The following MLF2 variants were observed in gnomAD, a reference collection of about 807,000 sequenced individuals.
MLF2 encodes the protein myelodysplasia-myeloid leukemia factor 2.
In MLF2, 12 loss-of-function variants were observed where a neutral mutation model predicts 31.4. The observed-to-expected ratio is 0.38, with a 90% CI of 0.24 to 0.62. The LOEUF (loss-of-function observed/expected upper bound fraction) is 0.62. Ranked by LOEUF, MLF2 falls within the 20% of genes least tolerant of loss-of-function variation. The pLI is 0.58. For missense variants in MLF2, 272 were observed against 359.7 expected (o/e 0.76, Z 1.97); for synonymous variants, 109 against 118.8 (o/e 0.92, Z 0.54).
chr12:6,752,974 G>T lies in MLF2; in HGVS notation c.-64C>A. 1 of 279,098 alleles carries T rather than the reference G, an allele frequency of 3.6e-6. No individual in the cohort carries two copies. Among genetic ancestry groups the T allele is most frequent in the East Asian group, 6.1e-5 (1 of 16,524 alleles). The allele number at this position is 279,098 out of a possible 1,614,324, so 17.3% of individuals were successfully genotyped here. A position where few individuals can be genotyped will look rare whatever the true frequency, so the allele number is the denominator to read the frequency against. On this transcript the variant is annotated 5_prime_UTR_variant, in exon 1 of 9. Coordinates refer to ENST00000203630, the MANE Select transcript of MLF2 (RefSeq NM_001382226.1). The surrounding 1 kb of genome is among the most constrained non-coding windows in gnomAD (Gnocchi z 4.6). ...TTCGGGCTCAGCGGCCCATCCGGCC[G>T]GTTTCGCTTCCCGGTACGCTGCAGG...
Position 6,752,417 on chromosome 12 carries a change from A to G in MLF2, c.-28-55T>C. 7.1e-7 allele frequency: 1 copy of G among 1,414,680 alleles called. No individual in the cohort carries two copies. Among genetic ancestry groups the G allele is most frequent in the Non-Finnish European group, 9.7e-7 (1 of 1,025,952 alleles). 87.6% of individuals were successfully genotyped at this position (1,414,680 alleles called of 1,614,324 possible). On this transcript the variant is annotated intron_variant, in intron 1 of 8. Transcript: ENST00000203630. The surrounding 1 kb of genome is among the most constrained non-coding windows in gnomAD (Gnocchi z 4.6). ...GAGGTGGCCAGGGTTTTGCACACCC[A>G]CTCAGTGTGGGGACTCTCAGAGCAC...
rs1941585079 is a variant in MLF2, at chr12:6,749,827, G to A, written c.559+21C>T. 6.2e-7 allele frequency: 1 copy of A among 1,612,884 alleles called. No homozygotes were observed. The highest frequency in any genetic ancestry group is 8.5e-7 in the Non-Finnish European group (1 of 1,179,428). The stretch of plus-strand genomic sequence containing the variant: ...AACCGGGTTAGGGGCTGCCAGCCAG[G>A]AAGCGGGAGGGAAGGCTCACTCTCA... On this transcript the variant is annotated intron_variant, in intron 7 of 8. Coordinates refer to ENST00000203630, the MANE Select transcript of MLF2 (RefSeq NM_001382226.1). The surrounding 1 kb of genome is among the most constrained non-coding windows in gnomAD (Gnocchi z 5.3).
At position 6,751,653 on chromosome 12, in the gene MLF2, C is replaced by T. The variant is rs1404984902; in HGVS notation, c.204G>A (p.Gly68=). Residue 68 remains glycine, a synonymous_variant, in exon 4 of 9, where the codon GGG becomes GGA. Transcript: ENST00000203630. ...GATAAAGACTCACCATTCCCAGCAT[C>T]CCAAAGGGGGAGACAGCTCCAGCCT... ...MQQAGAVSPF[G]MLGMSGGFMD... The T allele has an allele frequency of 6.2e-7, 1 of 1,613,958 alleles. No homozygotes were observed. Among genetic ancestry groups the T allele is most frequent in the African/African-American group, 1.3e-5 (1 of 74,914 alleles).
Position 6,750,133 on chromosome 12 carries a change from G to A in MLF2, c.399+44C>T, listed in dbSNP as rs55780609. ...AGCAGCCAGGGTTTCTGGCGGTGCC[G>A]CTCAATCCTACCTTCTCTGGGACAG... On this transcript the variant is annotated intron_variant, in intron 6 of 8. Transcript: ENST00000203630. The surrounding 1 kb of genome is among the most constrained non-coding windows in gnomAD (Gnocchi z 5.3). 3.7e-3 allele frequency: 6,034 copies of A among 1,613,592 alleles called. 263 individuals carry two copies. The African/African-American group carries it at 0.073, about 19-fold the overall frequency.
In MLF2 at chr12:6,752,302, C is replaced by T. The variant is rs1337735161; in HGVS notation, c.33G>A (p.Glu11=). 14 of 1,561,966 alleles carry T rather than the reference C, an allele frequency of 9.0e-6. No homozygotes were observed. Among genetic ancestry groups the T allele is most frequent in the Non-Finnish European group, 8.7e-6 (10 of 1,152,176 alleles). Reference sequence around the variant, plus strand: ...ATACTCACATCAGGAACATGGGATCCTCAGGCTCCACGTCCCTCATGAAGC... The same window carrying T: ...ATACTCACATCAGGAACATGGGATCTTCAGGCTCCACGTCCCTCATGAAGC... MFRFMRDVEP[E]DPMFLMDPFA... Residue 11 remains glutamate, a synonymous_variant, in exon 2 of 9, where the codon GAG becomes GAA. Coordinates refer to ENST00000203630, the MANE Select transcript of MLF2 (RefSeq NM_001382226.1). This position sits in a 1 kb window ranked among gnomAD's most constrained non-coding sequence, Gnocchi z 4.6.
In MLF2 at chr12:6,749,297, C is replaced by T. The variant is rs1421375913; in HGVS notation, c.560-315G>A. On this transcript the variant is annotated intron_variant, in intron 7 of 8. Transcript: ENST00000203630. The surrounding 1 kb of genome is among the most constrained non-coding windows in gnomAD (Gnocchi z 5.3). The stretch of plus-strand genomic sequence containing the variant: ...ATAAAGAGGGGAGAAAGAAACGGAT[C>T]AAGGTGGAGAAGGGTGTAACACTAT... Among the ~76,000 whole-genome samples the T allele has an allele frequency of 6.7e-6, 1 of 149,280 alleles. No homozygotes were observed. The highest frequency in any genetic ancestry group is 2.5e-5 in the African/African-American group (1 of 40,508).
rs1219353614 is a variant in MLF2, at chr12:6,750,963, C to T, written c.217-197G>A. ...CCTCCTGTGAACTGCTGACCCCTTC[C>T]TCAGTCTCTGTGACTGCTGTGATCC... is the stretch of plus-strand genomic sequence containing the variant. On this transcript the variant is annotated intron_variant, in intron 4 of 8. Coordinates refer to ENST00000203630, the MANE Select transcript of MLF2 (RefSeq NM_001382226.1). The surrounding 1 kb of genome is among the most constrained non-coding windows in gnomAD (Gnocchi z 5.3). 2 of 582,032 alleles carry T rather than the reference C, an allele frequency of 3.4e-6. No individual in the cohort carries two copies. Among genetic ancestry groups the T allele is most frequent in the African/African-American group, 3.7e-5 (2 of 53,454 alleles). 36.1% of individuals were successfully genotyped at this position (582,032 alleles called of 1,614,324 possible). A position where few individuals can be genotyped will look rare whatever the true frequency, so the allele number is the denominator to read the frequency against.
Position 6,750,508 on chromosome 12 carries a change from T to C in MLF2, c.271-203A>G, listed in dbSNP as rs1941597710. ...AGGACCTGAAGAGACAGGGCCTTAA[T>C]TGTATGCTACGTAAGAGAGCTGCTG... On this transcript the variant is annotated intron_variant, in intron 5 of 8. Transcript: ENST00000203630. This position sits in a 1 kb window ranked among gnomAD's most constrained non-coding sequence, Gnocchi z 5.3. The C allele has an allele frequency of 2.3e-6, 2 of 888,342 alleles. No individual in the cohort carries two copies. Among genetic ancestry groups the C allele is most frequent in the South Asian group, 1.7e-5 (1 of 57,462 alleles). 55.0% of individuals were successfully genotyped at this position (888,342 alleles called of 1,614,324 possible). A position where few individuals can be genotyped will look rare whatever the true frequency, so the allele number is the denominator to read the frequency against.
intron 4 of MLF2, 127 bp downstream of exon 4, chr12:6,751,514 G>T: frequency 1.8e-6 from 2 of 1,132,582 alleles, no homozygotes; most frequent in Non-Finnish European, 1.3e-6. Context: ...AGAGCTTTGT[G>T]AATGCCATAA....
chr12:6,751,279 G>A (rs891968978), intron 4 of MLF2: 6 of 265,186 alleles, frequency 2.3e-5, no homozygotes, highest in South Asian at 1.0e-4. Context: ...GGGCAGTGGC[G>A]CAGTCTCGGC....
At position 6,750,880 on chromosome 12, in the gene MLF2, C is replaced by A. The variant is rs868012180; in HGVS notation, c.217-114G>T. 2.0e-5 allele frequency: 17 copies of A among 863,190 alleles called. No homozygotes were observed. The highest frequency in any genetic ancestry group is 2.2e-4 in the Middle Eastern group (1 of 4,582). 53.5% of individuals were successfully genotyped at this position (863,190 alleles called of 1,614,324 possible). ...GCACATTTCCTTTCTCTTCTTCCTTCACATCTAGCAAGTTCTCTTTCTCAT... is the reference window on the plus strand; with the variant it reads ...GCACATTTCCTTTCTCTTCTTCCTTAACATCTAGCAAGTTCTCTTTCTCAT... On this transcript the variant is annotated intron_variant, in intron 4 of 8. Transcript: ENST00000203630. This position sits in a 1 kb window ranked among gnomAD's most constrained non-coding sequence, Gnocchi z 5.3.
chr12:6,748,271 AATGCATGGCAGGAGTAGG>A lies in MLF2; in HGVS notation c.*284_*301del, dbSNP rs1941555646. 6.5e-6 allele frequency: 1 copy of A among 152,800 alleles called. No individual in the cohort carries two copies. The highest frequency in any genetic ancestry group is 1.5e-5 in the Non-Finnish European group (1 of 68,182). The allele number at this position is 152,800 out of a possible 1,614,324, so 9.5% of individuals were successfully genotyped here. ...TCACCCCAAAATGCATTGACCCTTC[AATGCATGGCAGGAGTAGG>A]ATGGGAAAGGTGAGGGGGTTTGAAG... On this transcript the variant is annotated 3_prime_UTR_variant, in exon 9 of 9. Transcript: ENST00000203630. This position sits in a 1 kb window ranked among gnomAD's most constrained non-coding sequence, Gnocchi z 4.6.
At position 6,749,231 on chromosome 12, in the gene MLF2, A is replaced by G. The variant is rs1941572915; in HGVS notation, c.560-249T>C. Among the ~76,000 whole-genome samples, 1 of 152,196 alleles carries G rather than the reference A, an allele frequency of 6.6e-6. No homozygotes were observed. Among genetic ancestry groups the G allele is most frequent in the Non-Finnish European group, 1.5e-5 (1 of 68,018 alleles). On this transcript the variant is annotated intron_variant, in intron 7 of 8. Coordinates refer to ENST00000203630, the MANE Select transcript of MLF2 (RefSeq NM_001382226.1). This position sits in a 1 kb window ranked among gnomAD's most constrained non-coding sequence, Gnocchi z 5.3. ...TTCTTCAGTTCAGGTTCACAGTCCT[A>G]TGTGCACACTAGGTACTTAATAATT...
At position 6,750,083 on chromosome 12, in the gene MLF2, C is replaced by G; in HGVS notation, c.400-76G>C. On this transcript the variant is annotated intron_variant, in intron 6 of 8. Transcript: ENST00000203630. This position sits in a 1 kb window ranked among gnomAD's most constrained non-coding sequence, Gnocchi z 5.3. ...CCTATACCATCTCAGGATAAACACACCACACACAACCCAATCCGGAAAAAA... is the reference window on the plus strand; with the variant it reads ...CCTATACCATCTCAGGATAAACACAGCACACACAACCCAATCCGGAAAAAA... 15 of 1,611,454 alleles carry G rather than the reference C, an allele frequency of 9.3e-6. No homozygotes were observed. The highest frequency in any genetic ancestry group is 1.2e-5 in the Non-Finnish European group (14 of 1,178,138).
In MLF2 at chr12:6,748,998, C is replaced by G; in HGVS notation, c.560-16G>C. The G allele has an allele frequency of 3.2e-6, 5 of 1,564,838 alleles. No individual in the cohort carries two copies. Among genetic ancestry groups the G allele is most frequent in the Non-Finnish European group, 4.3e-6 (5 of 1,160,286 alleles). On this transcript the variant is annotated splice_polypyrimidine_tract_variant and intron_variant, in intron 7 of 8. Transcript: ENST00000203630. This position sits in a 1 kb window ranked among gnomAD's most constrained non-coding sequence, Gnocchi z 4.6. ...GCGGCCTCACCTGGAAAGGACAGAG[C>G]GGACATGAGGCCTGTGTGCGGCCTG...
Position 6,750,057 on chromosome 12 carries a change from G to C in MLF2, c.400-50C>G, listed in dbSNP as rs117967306. On this transcript the variant is annotated intron_variant, in intron 6 of 8. Transcript: ENST00000203630. This position sits in a 1 kb window ranked among gnomAD's most constrained non-coding sequence, Gnocchi z 5.3. ...ACTCAGCCGCCCCTTCCAAAGCCCT[G>C]CCTATACCATCTCAGGATAAACACA... 8,932 of 1,612,238 alleles carry C rather than the reference G, an allele frequency of 5.5e-3. 25 individuals carry two copies. Among genetic ancestry groups the C allele is most frequent in the Middle Eastern group, 0.012 (74 of 6,050 alleles).
Position 6,749,733 on chromosome 12 carries a change from A to AAAAG in MLF2, c.559+114_559+115insCTTT, listed in dbSNP as rs1941582623. On this transcript the variant is annotated intron_variant, in intron 7 of 8. Transcript: ENST00000203630. This position sits in a 1 kb window ranked among gnomAD's most constrained non-coding sequence, Gnocchi z 5.3. ...AGCGAGACTCCATCTCAAAAAAAAA[A>AAAAG]AAAAAGGAATATGGGGCTGACCCAG... 1 of 1,397,968 alleles carries AAAAG rather than the reference A, an allele frequency of 7.2e-7. No homozygotes were observed. The highest frequency in any genetic ancestry group is 2.3e-5 in the East Asian group (1 of 43,146). The allele number at this position is 1,397,968 out of a possible 1,614,324, so 86.6% of individuals were successfully genotyped here.
rs1364489638 is a variant in MLF2, at chr12:6,748,646, T to C, written c.*26-99A>G. On this transcript the variant is annotated intron_variant, in intron 8 of 8. Coordinates refer to ENST00000203630, the MANE Select transcript of MLF2 (RefSeq NM_001382226.1). This position sits in a 1 kb window ranked among gnomAD's most constrained non-coding sequence, Gnocchi z 4.6. The stretch of plus-strand genomic sequence containing the variant: ...TTAATCCCCTATGTCAGTGAGAACA[T>C]TGTTCTCTTTCCATGTCAACTTGTA... The C allele has an allele frequency of 2.1e-5, 16 of 747,946 alleles. No individual in the cohort carries two copies. The highest frequency in any genetic ancestry group is 3.0e-5 in the Non-Finnish European group (14 of 474,350). The allele number at this position is 747,946 out of a possible 1,614,324, so 46.3% of individuals were successfully genotyped here. A position where few individuals can be genotyped will look rare whatever the true frequency, so the allele number is the denominator to read the frequency against.
chr12:6,749,076 G>T lies in MLF2; in HGVS notation c.560-94C>A. ...CCACAGCTTTTCGGGCCAAAGCGGC[G>T]AAGGCTGAGTGTGCGTGCAGGGATG... On this transcript the variant is annotated intron_variant, in intron 7 of 8. Transcript: ENST00000203630. This position sits in a 1 kb window ranked among gnomAD's most constrained non-coding sequence, Gnocchi z 5.3. 1 of 1,343,912 alleles carries T rather than the reference G, an allele frequency of 7.4e-7. No homozygotes were observed. The highest frequency in any genetic ancestry group is 2.9e-5 in the East Asian group (1 of 34,026). 83.2% of individuals were successfully genotyped at this position (1,343,912 alleles called of 1,614,324 possible).
Sources: gnomAD v4.1 joint callset for allele counts (sites outside exome capture counted in the v4.1 genomes callset) on GRCh38, gnomAD v4.1.1 for gene constraint, Gnocchi (gnomAD v3.1) non-coding constraint, MANE v1.5 for transcripts, NCBI Gene and HGNC (gene_info 2026-07-23, HGNC 2026-07-21) for gene names.